FBLN7: variants seen among roughly 807,000 people sequenced by gnomAD.
FBLN7 encodes the protein fibulin 7.
In FBLN7, 31 loss-of-function variants were observed where a neutral mutation model predicts 44.0. The observed-to-expected ratio is 0.70, with a 90% CI of 0.53 to 0.95. The LOEUF is 0.95. Ranked by LOEUF, FBLN7 falls within the 40% of genes least tolerant of loss-of-function variation. The pLI is 0.00. For missense variants in FBLN7, 573 were observed against 618.5 expected (o/e 0.93, Z 0.78); for synonymous variants, 262 against 253.4 (o/e 1.03, Z -0.32).
At chr2:112,174,710 G>A (rs1207808937) in intron 3 of FBLN7, among the ~76,000 whole-genome samples, 1 of 152,042 alleles carries the variant, frequency 6.6e-6, no homozygotes, top group East Asian at 1.9e-4. Flanking sequence ...TTGTTTGGTT[G>A]GTTGGTTTTT....
intron 2 of FBLN7, among the ~76,000 whole-genome samples, chr2:112,160,728 GCACGCACACGCA>G (rs1279704793): frequency 1.4e-4 from 16 of 114,608 alleles, no homozygotes; most frequent in East Asian, 1.2e-3. Flanking sequence ...ACGCGCACAC[GCACGCACACGCA>G]CACACGCGCA....
the FBLN7 span, among the ~76,000 whole-genome samples, chr2:112,235,097 A>T: frequency 6.6e-6 from 1 of 152,224 alleles, no homozygotes; most frequent in Non-Finnish European, 1.5e-5. Flanking sequence ...CTCTTCAGAA[A>T]CATAAGGTAC....
At chr2:112,152,578 A>G (rs1364277134) in intron 1 of FBLN7, 3 of 152,210 alleles carry the variant, frequency 2.0e-5, no homozygotes, top group Non-Finnish European at 4.4e-5. Flanking sequence ...GTTGCTGAGA[A>G]GCGATTGTTT....
At chr2:112,230,855 G>T in the FBLN7 span, 1 of 1,220,254 alleles carries the variant, frequency 8.2e-7, no homozygotes, top group South Asian at 1.6e-5. Flanking sequence ...CCAACTTCTG[G>T]AGATGTTCAG....
the FBLN7 span, among the ~76,000 whole-genome samples, chr2:112,207,725 G>A: frequency 5.3e-5 from 8 of 152,166 alleles, no homozygotes; most frequent in Non-Finnish European, 1.2e-4. Flanking sequence ...GTTTTGGATT[G>A]TAATGTCATA....
chr2:112,225,527 A>G, the FBLN7 span, among the ~76,000 whole-genome samples: 1 of 152,174 alleles, frequency 6.6e-6, no homozygotes, highest in East Asian at 1.9e-4. Flanking sequence ...CCTCAATGTC[A>G]CAAAGCTGGC....
At position 112,161,940 on chromosome 2, in the gene FBLN7, G is replaced by C. The variant is rs953847345; in HGVS notation, c.235+2105G>C. ...GGCAGCTGTCAGGATCCCTTTTCAG[G>C]GTGTGGTGGGGGTTGGGCCCGCACC... On this transcript the variant is annotated intron_variant, in intron 2 of 7. Transcript: ENST00000331203. Among the ~76,000 whole-genome samples the C allele has an allele frequency of 5.3e-4, 81 of 152,298 alleles. 1 individual carries two copies. The highest frequency in any genetic ancestry group is 1.9e-3 in the African/African-American group (78 of 41,554).
chr2:112,234,607 C>T, the FBLN7 span, among the ~76,000 whole-genome samples: 1 of 152,140 alleles, frequency 6.6e-6, no homozygotes, highest in Non-Finnish European at 1.5e-5. Context: ...TCAAGACCAG[C>T]CTGGCCAACA....
rs1683302985 is a variant in FBLN7, at chr2:112,187,121, C to T, written c.948-13C>T. The T allele has an allele frequency of 6.2e-7, 1 of 1,611,254 alleles. No individual in the cohort carries two copies. Among genetic ancestry groups the T allele is most frequent in the Non-Finnish European group, 8.5e-7 (1 of 1,178,162 alleles). On this transcript the variant is annotated splice_polypyrimidine_tract_variant and intron_variant, in intron 7 of 7. Coordinates refer to ENST00000331203, the MANE Select transcript of FBLN7 (RefSeq NM_153214.3). The surrounding 1 kb of genome is among the most constrained non-coding windows in gnomAD (Gnocchi z 5.1). Reference sequence around the variant, plus strand: ...CCAAGGCTGACTGCCTCCATTTTGCCTCTCCGCTCCAGCCAGTGTGAGCGG... The same window carrying T: ...CCAAGGCTGACTGCCTCCATTTTGCTTCTCCGCTCCAGCCAGTGTGAGCGG...
At chr2:112,185,375 G>A (rs1181537948) in intron 7 of FBLN7, 36 bp downstream of exon 7, 1 of 1,597,066 alleles carries the variant, frequency 6.3e-7, no homozygotes, top group Non-Finnish European at 8.6e-7. Flanking sequence ...CCTCACCCAG[G>A]CCTCCAAGTG....
rs769733891 is a variant in FBLN7, at chr2:112,182,954, T to A, written c.808+26T>A. ...GTGAGTGAGGCTACAGAGTGTCGTC[T>A]GCACCCAGCCACCTGCTGCTGTGCT... On this transcript the variant is annotated intron_variant, in intron 6 of 7. Coordinates refer to ENST00000331203, the MANE Select transcript of FBLN7 (RefSeq NM_153214.3). 13 of 1,608,238 alleles carry A rather than the reference T, an allele frequency of 8.1e-6. No individual in the cohort carries two copies. In the South Asian group the frequency reaches 1.3e-4, roughly 16 times the overall value.
At chr2:112,160,195 T>TTA (rs1681680810) in intron 2 of FBLN7, among the ~76,000 whole-genome samples, 1 of 152,104 alleles carries the variant, frequency 6.6e-6, no homozygotes, top group Non-Finnish European at 1.5e-5. Context: ...TTTCACCTTG[T>TTA]TAGCCAGGAT....
chr2:112,187,639 C>A lies in FBLN7; in HGVS notation c.*133C>A, dbSNP rs1683338133. On this transcript the variant is annotated 3_prime_UTR_variant, in exon 8 of 8. Coordinates refer to ENST00000331203, the MANE Select transcript of FBLN7 (RefSeq NM_153214.3). The surrounding 1 kb of genome is among the most constrained non-coding windows in gnomAD (Gnocchi z 5.1). The stretch of plus-strand genomic sequence containing the variant: ...CACCAGTGCACCCAGGCTTCTAGGG[C>A]AGCGTTGCACGGCGCCCCATGGAAT... 1.6e-6 allele frequency: 2 copies of A among 1,239,204 alleles called. No individual in the cohort carries two copies. Among genetic ancestry groups the A allele is most frequent in the Non-Finnish European group, 2.2e-6 (2 of 890,138 alleles). 76.8% of individuals were successfully genotyped at this position (1,239,204 alleles called of 1,614,324 possible).
At chr2:112,201,304 G>A in the FBLN7 span, among the ~76,000 whole-genome samples, 87 of 152,306 alleles carry the variant, frequency 5.7e-4, 2 homozygotes, top group South Asian at 0.018. Context: ...CCTGTTTCAC[G>A]GACCATCGTG....
At chr2:112,211,938 T>C in the FBLN7 span, 1 of 152,222 alleles carries the variant, frequency 6.6e-6, no homozygotes, top group African/African-American at 2.4e-5. Flanking sequence ...ATATCTACTC[T>C]TCCTAGTTTT....
rs867662306 is a variant in FBLN7 at position 112,160,852 on chromosome 2, A to G, written c.235+1017A>G. Among the ~76,000 whole-genome samples, 193 of 145,214 alleles carry G rather than the reference A, an allele frequency of 1.3e-3. 1 individual carries two copies. The highest frequency in any genetic ancestry group is 3.6e-3 in the Middle Eastern group (1 of 280). ...CGCATACACGCACGCACACGCGCAC[A>G]CACACACACACACACTCAGCCCGAG... On this transcript the variant is annotated intron_variant, in intron 2 of 7. Coordinates refer to ENST00000331203, the MANE Select transcript of FBLN7 (RefSeq NM_153214.3).
chr2:112,209,283 C>T, the FBLN7 span, among the ~76,000 whole-genome samples: 1 of 152,162 alleles, frequency 6.6e-6, no homozygotes, highest in Non-Finnish European at 1.5e-5. Flanking sequence ...CCTTTATCTG[C>T]ACCTCCGGCT....
intron 3 of FBLN7, 85 bp downstream of exon 3, chr2:112,165,256 A>C: frequency 6.7e-7 from 1 of 1,482,026 alleles, no homozygotes; most frequent in Non-Finnish European, 9.1e-7. Context: ...CATTCCTTGG[A>C]ACATTTTCTG....
At chr2:112,216,810 T>C in the FBLN7 span, among the ~76,000 whole-genome samples, 2 of 151,374 alleles carry the variant, frequency 1.3e-5, no homozygotes, top group Non-Finnish European at 2.9e-5. Flanking sequence ...GGAAACATGA[T>C]AAACATTATC....
Sources: gnomAD v4.1 joint callset for allele counts (sites outside exome capture counted in the v4.1 genomes callset) on GRCh38, gnomAD v4.1.1 for gene constraint, Gnocchi (gnomAD v3.1) non-coding constraint, MANE v1.5 for transcripts, NCBI Gene and HGNC (gene_info 2026-07-23, HGNC 2026-07-21) for gene names.